The following TENM3 variants were observed in gnomAD, a reference collection of about 807,000 sequenced individuals.
TENM3 encodes teneurin transmembrane protein 3.
In TENM3, 63 loss-of-function variants were observed where a neutral mutation model predicts 255.1. That is an observed-to-expected ratio of 0.25 (90% CI 0.20 to 0.30). The LOEUF is 0.30. Among genes scored for constraint, TENM3 ranks in the 10% least tolerant of loss-of-function variants. The pLI is 1.00. For missense variants in TENM3, 2,929 were observed against 3,461.1 expected, an observed-to-expected ratio of 0.85 and a Z score of 3.86; for synonymous variants, 1,306 against 1,322.3, an observed-to-expected ratio of 0.99 and a Z score of 0.27.
chr4:181,905,975 A>C, the TENM3 span: 13 of 521,802 alleles, frequency 2.5e-5, no homozygotes, highest in South Asian at 2.0e-4. Context: ...TGGGTGGTAC[A>C]TACTTTTTTA....
the TENM3 span, among the ~76,000 whole-genome samples, chr4:182,018,801 T>C: frequency 6.6e-6 from 1 of 152,196 alleles, no homozygotes; most frequent in Non-Finnish European, 1.5e-5. Context: ...TGCTGAGTGG[T>C]TACCTAGTGC....
intron 3 of TENM3, among the ~76,000 whole-genome samples, chr4:182,457,641 T>G (rs1319009509): frequency 3.0e-5 from 4 of 135,500 alleles, no homozygotes; most frequent in African/African-American, 1.1e-4. Flanking sequence ...CACCACAGCC[T>G]CCAACTCCTA....
the TENM3 span, among the ~76,000 whole-genome samples, chr4:181,850,658 TA>T: frequency 6.6e-6 from 1 of 152,190 alleles, no homozygotes; most frequent in South Asian, 2.1e-4. Context: ...CGTGTTTTTT[TA>T]ACTAGGTGAA....
chr4:182,365,787 C>T (rs552211384), intron 3 of TENM3, among the ~76,000 whole-genome samples: 4 of 152,270 alleles, frequency 2.6e-5, no homozygotes, highest in African/African-American at 9.6e-5. Flanking sequence ...ACAATTTTGT[C>T]ATTGTGTGAA....
chr4:181,509,957 A>C, the TENM3 span, among the ~76,000 whole-genome samples: 1 of 152,198 alleles, frequency 6.6e-6, no homozygotes, highest in African/African-American at 2.4e-5. Context: ...ATGCCACAGA[A>C]CAAATGCAAG....
the TENM3 span, among the ~76,000 whole-genome samples, chr4:181,642,312 G>A: frequency 0.031 from 4,675 of 152,080 alleles, 102 homozygotes; most frequent in South Asian, 0.067. Flanking sequence ...ACTTTTTGAT[G>A]GGGTGGTTAG....
intron 24 of TENM3, among the ~76,000 whole-genome samples, chr4:182,777,563 T>TG (rs1161575206): frequency 2.4e-5 from 3 of 126,478 alleles, no homozygotes; most frequent in African/African-American, 9.2e-5. Context: ...TTTTTTTTTT[T>TG]TTTTTTTTTT....
At chr4:181,854,006 G>T in the TENM3 span, among the ~76,000 whole-genome samples, 1 of 152,204 alleles carries the variant, frequency 6.6e-6, no homozygotes. Flanking sequence ...ACTGATTACA[G>T]TTGGAAGTAT....
chr4:182,606,286 G>T (rs1425120941), intron 4 of TENM3, among the ~76,000 whole-genome samples: 7 of 152,248 alleles, frequency 4.6e-5, no homozygotes, highest in Non-Finnish European at 1.0e-4. Flanking sequence ...CACTTTGGGA[G>T]GCCGAGGCGG....
intron 3 of TENM3, among the ~76,000 whole-genome samples, chr4:182,576,071 T>G (rs1744882621): frequency 6.6e-6 from 1 of 152,218 alleles, no homozygotes; most frequent in Non-Finnish European, 1.5e-5. Flanking sequence ...TAGACAATGT[T>G]AAGAAAATCC....
chr4:182,002,316 A>AGG, the TENM3 span, among the ~76,000 whole-genome samples: 242 of 152,198 alleles, frequency 1.6e-3, 1 homozygote, highest in African/African-American at 5.4e-3. Context: ...AGATAATCAC[A>AGG]GGGGAGAGAG....
At chr4:182,015,696 G>A in the TENM3 span, among the ~76,000 whole-genome samples, 1 of 151,984 alleles carries the variant, frequency 6.6e-6, no homozygotes, top group Non-Finnish European at 1.5e-5. Flanking sequence ...GAGTAGCTGG[G>A]ACTACGGGCA....
At chr4:182,434,597 A>G (rs1245536062) in intron 3 of TENM3, among the ~76,000 whole-genome samples, 1 of 151,974 alleles carries the variant, frequency 6.6e-6, no homozygotes, top group East Asian at 1.9e-4. Context: ...CAGGAGGCAG[A>G]AGTTGCAGTG....
At chr4:181,831,726 G>A in the TENM3 span, among the ~76,000 whole-genome samples, 1 of 152,118 alleles carries the variant, frequency 6.6e-6, no homozygotes, top group Admixed American at 6.5e-5. Context: ...AACAGATTCT[G>A]CAGGAGTGAT....
intron 1 of TENM3, among the ~76,000 whole-genome samples, chr4:182,204,744 T>C (rs1579706601): frequency 1.3e-5 from 2 of 152,358 alleles, no homozygotes; most frequent in East Asian, 3.9e-4. Flanking sequence ...ATTCAAGCAT[T>C]AAATTCATTT....
At chr4:182,304,817 G>A (rs2150386277) in intron 1 of TENM3, among the ~76,000 whole-genome samples, 1 of 152,194 alleles carries the variant, frequency 6.6e-6, no homozygotes, top group South Asian at 2.1e-4. Flanking sequence ...GGGATTTGTG[G>A]GGTTGTGTAG....
the TENM3 span, among the ~76,000 whole-genome samples, chr4:181,717,747 T>C: frequency 6.6e-6 from 1 of 152,198 alleles, no homozygotes; most frequent in Non-Finnish European, 1.5e-5. Context: ...CTGGTATATC[T>C]CTGTCTAGAA....
the TENM3 span, among the ~76,000 whole-genome samples, chr4:182,105,101 T>C: frequency 2.6e-5 from 4 of 152,124 alleles, no homozygotes; most frequent in Admixed American, 6.6e-5. Context: ...TAGTCCCAGC[T>C]ACTCCGGAGG....
chr4:182,297,517 C>G (rs1186969078), intron 1 of TENM3, among the ~76,000 whole-genome samples: 1 of 152,170 alleles, frequency 6.6e-6, no homozygotes, highest in Non-Finnish European at 1.5e-5. Context: ...CAGATTTCGT[C>G]TTCATTACTT....
Sources: gnomAD v4.1 joint callset for allele counts (sites outside exome capture counted in the v4.1 genomes callset) on GRCh38, gnomAD v4.1.1 for gene constraint, MANE v1.5 for transcripts, NCBI Gene and HGNC (gene_info 2026-07-23, HGNC 2026-07-21) for gene names.